GPM6A: variants seen among roughly 807,000 people sequenced by gnomAD.
GPM6A encodes neuronal membrane glycoprotein M6-a.
GPM6A carries 7 observed loss-of-function variants against 32.1 expected under a neutral mutation model. That is an observed-to-expected ratio of 0.22 (90% CI 0.12 to 0.41). GPM6A has a LOEUF of 0.41. Ranked by LOEUF, GPM6A falls within the 10% of genes least tolerant of loss-of-function variation. The probability of loss-of-function intolerance (pLI) is 1.00; values close to 1 mark genes in which losing one functional copy is unlikely to be tolerated. For synonymous variants in GPM6A, 130 were observed against 123.4 expected, an observed-to-expected ratio of 1.05 and a Z score of -0.35; for missense variants, 235 against 347.2, an observed-to-expected ratio of 0.68 and a Z score of 2.57.
At position 175,945,013 on chromosome 4, in the gene GPM6A, G is replaced by A. The variant is rs573224248; in HGVS notation, c.-23+57296C>T. On this transcript the variant is annotated intron_variant, in intron 1 of 7. Coordinates refer to the GPM6A transcript ENST00000280187. Reference sequence around the variant, plus strand: ...AGAAATAATTAGAGCAGTTTCAAAGGAGAAGATCAGTCAAAACTGATTAAA... The same window carrying A: ...AGAAATAATTAGAGCAGTTTCAAAGAAGAAGATCAGTCAAAACTGATTAAA... Among the ~76,000 whole-genome samples the A allele has an allele frequency of 1.8e-4, 28 of 152,178 alleles. 1 individual carries two copies. Among genetic ancestry groups the A allele is most frequent in the African/African-American group, 6.3e-4 (26 of 41,504 alleles).
At chr4:175,927,277 C>T (rs529602654) in intron 1 of GPM6A, among the ~76,000 whole-genome samples, 4 of 152,248 alleles carry the variant, frequency 2.6e-5, no homozygotes, top group African/African-American at 9.6e-5. Flanking sequence ...AAGCACTGAA[C>T]TATTCACTGA....
chr4:175,836,947 A>T (rs1229924321), intron 1 of GPM6A, among the ~76,000 whole-genome samples: 1 of 152,160 alleles, frequency 6.6e-6, no homozygotes, highest in Non-Finnish European at 1.5e-5. Context: ...AGAACATGTA[A>T]ATATATTACT....
chr4:175,767,371 T>A (rs1733013605), intron 1 of GPM6A, among the ~76,000 whole-genome samples: 1 of 152,176 alleles, frequency 6.6e-6, no homozygotes, highest in Non-Finnish European at 1.5e-5. Flanking sequence ...TCTCTATACA[T>A]GAAAACTGCT....
intron 1 of GPM6A, among the ~76,000 whole-genome samples, chr4:175,729,798 A>C (rs377031616): frequency 2.5e-5 from 2 of 81,172 alleles, no homozygotes; most frequent in East Asian, 3.4e-4. Context: ...ATTATCTATT[A>C]TATTATATTA....
intron 1 of GPM6A, among the ~76,000 whole-genome samples, chr4:175,952,957 T>C (rs1378144226): frequency 1.4e-5 from 2 of 146,816 alleles, no homozygotes; most frequent in Non-Finnish European, 3.0e-5. Flanking sequence ...TTGACCCCAG[T>C]GGGTAGAGGC....
At chr4:175,974,338 C>CTTGTTTGT (rs368018347) in intron 1 of GPM6A, among the ~76,000 whole-genome samples, 3 of 151,900 alleles carry the variant, frequency 2.0e-5, no homozygotes, top group African/African-American at 7.3e-5. Context: ...TCCTAAATGC[C>CTTGTTTGT]TTGTTTGTTT....
chr4:175,656,310 T>C (rs981585440), intron 3 of GPM6A, among the ~76,000 whole-genome samples: 1 of 152,116 alleles, frequency 6.6e-6, no homozygotes, highest in African/African-American at 2.4e-5. Flanking sequence ...CCCATAATCA[T>C]TTTAGTAGCA....
At chr4:175,812,813 T>C (rs377491789), upstream of GPM6A, 10 of 985,318 alleles carry the variant, frequency 1.0e-5, no homozygotes, top group East Asian at 2.3e-4. Flanking sequence ...CCCAGTCAGA[T>C]ACGTTGCAAA....
intron 2 of GPM6A, among the ~76,000 whole-genome samples, chr4:175,694,676 G>C (rs1431330676): frequency 6.6e-6 from 1 of 152,154 alleles, no homozygotes; most frequent in South Asian, 2.1e-4. Context: ...GAGCATACAA[G>C]TGAAACATTC....
At chr4:175,965,392 G>A (rs1214730316) in intron 1 of GPM6A, among the ~76,000 whole-genome samples, 1 of 151,694 alleles carries the variant, frequency 6.6e-6, no homozygotes, top group Non-Finnish European at 1.5e-5. Flanking sequence ...AGAAAAAAAA[G>A]AGCAAACTAA....
chr4:175,636,278 A>ATATATG (rs1209036055), intron 6 of GPM6A, among the ~76,000 whole-genome samples: 6 of 125,804 alleles, frequency 4.8e-5, no homozygotes, highest in South Asian at 2.4e-4. Context: ...ATATATATAT[A>ATATATG]TATATATATA....
rs1243249038 is a variant in GPM6A at position 175,701,556 on chromosome 4, A to T, written c.230+19T>A. 2 of 1,574,916 alleles carry T rather than the reference A, an allele frequency of 1.3e-6. No homozygotes were observed. Among genetic ancestry groups the T allele is most frequent in the Non-Finnish European group, 1.7e-6 (2 of 1,145,310 alleles). ...AAATATATACATGGAAAATAACAAG[A>T]AATACTAGAGTGACTTACATGGTAA... On this transcript the variant is annotated intron_variant, in intron 2 of 6. Coordinates refer to ENST00000393658, the MANE Select transcript of GPM6A (RefSeq NM_201591.3).
At chr4:175,931,695 CACACACACACACACAT>C (rs1404573890) in intron 1 of GPM6A, among the ~76,000 whole-genome samples, 13 of 148,460 alleles carry the variant, frequency 8.8e-5, no homozygotes, top group Non-Finnish European at 1.9e-4. Context: ...CACACACACA[CACACACACACACACAT>C]ATATATATAT....
At chr4:175,844,535 G>C (rs950198959) in intron 1 of GPM6A, among the ~76,000 whole-genome samples, 1 of 152,144 alleles carries the variant, frequency 6.6e-6, no homozygotes, top group African/African-American at 2.4e-5. Flanking sequence ...TAATAGAACA[G>C]TGTTGTTCTC....
chr4:175,676,954 A>C (rs1335858916), intron 2 of GPM6A, among the ~76,000 whole-genome samples: 3 of 152,230 alleles, frequency 2.0e-5, no homozygotes, highest in Non-Finnish European at 2.9e-5. Flanking sequence ...TCCCAATTAA[A>C]ACTGGTCACA....
chr4:175,948,393 C>T (rs377403798), intron 1 of GPM6A, among the ~76,000 whole-genome samples: 5 of 152,118 alleles, frequency 3.3e-5, no homozygotes, highest in African/African-American at 4.8e-5. Flanking sequence ...ATCTGTGGGC[C>T]GGGAGGAGGG....
intron 1 of GPM6A, among the ~76,000 whole-genome samples, chr4:175,781,878 T>C (rs1733627248): frequency 6.6e-6 from 1 of 152,146 alleles, no homozygotes; most frequent in South Asian, 2.1e-4. Flanking sequence ...AAATATTTCC[T>C]CCAGTATACA....
chr4:175,818,178 C>T (rs2111344754), intron 1 of GPM6A, among the ~76,000 whole-genome samples: 1 of 152,278 alleles, frequency 6.6e-6, no homozygotes, highest in South Asian at 2.1e-4. Context: ...GGCAGGAGCT[C>T]ACCTCTTCGG....
chr4:175,799,097 G>T (rs1201666636), intron 1 of GPM6A, among the ~76,000 whole-genome samples: 1 of 151,994 alleles, frequency 6.6e-6, no homozygotes, highest in Non-Finnish European at 1.5e-5. Context: ...TGCAAAATGG[G>T]AAACAACATT....
Sources: allele counts gnomAD v4.1 joint callset (sites outside exome capture counted in the v4.1 genomes callset), GRCh38; gene constraint gnomAD v4.1.1; transcripts MANE v1.5; gene names NCBI Gene and HGNC (gene_info 2026-07-23, HGNC 2026-07-21).